TRERF1: variants seen among roughly 807,000 people sequenced by gnomAD.
TRERF1 encodes the protein transcriptional regulating factor 1.
Under a neutral mutation model 122.9 loss-of-function variants are expected in TRERF1, and 27 were observed. The ratio of observed to expected loss-of-function variants is 0.22; its 90% CI spans 0.16 to 0.30. The LOEUF (loss-of-function observed/expected upper bound fraction) is 0.30. TRERF1 is among the 10% of genes least tolerant of loss of function. TRERF1 has a pLI of 1.00. For synonymous variants in TRERF1, 636 were observed against 641.7 expected (o/e 0.99, Z 0.13); for missense variants, 1,248 against 1,560.3 (o/e 0.80, Z 3.37).
At chr6:42,392,800 A>G (rs1343673066) in intron 2 of TRERF1, among the ~76,000 whole-genome samples, 1 of 152,214 alleles carries the variant, frequency 6.6e-6, no homozygotes, top group African/African-American at 2.4e-5. Context: ...TTAACATATG[A>G]AAGGTGACCT....
chr6:42,389,671 C>G (rs1777382709), intron 2 of TRERF1, among the ~76,000 whole-genome samples: 1 of 152,208 alleles, frequency 6.6e-6, no homozygotes, highest in Non-Finnish European at 1.5e-5. Context: ...CTCCCAACTT[C>G]AAACACTTGA....
intron 14 of TRERF1, among the ~76,000 whole-genome samples, chr6:42,245,146 C>T (rs1337627395): frequency 2.6e-5 from 4 of 152,224 alleles, no homozygotes; most frequent in Non-Finnish European, 5.9e-5. Flanking sequence ...TACACGAATC[C>T]ATCATCAGTC....
chr6:42,290,416 G>A (rs186571205), intron 4 of TRERF1, among the ~76,000 whole-genome samples: 7 of 152,182 alleles, frequency 4.6e-5, no homozygotes, highest in East Asian at 3.9e-4. Flanking sequence ...GCTGCCCCTC[G>A]CCTGTGGCCA....
chr6:42,447,508 T>C (rs534799682), intron 2 of TRERF1, among the ~76,000 whole-genome samples: 5 of 152,342 alleles, frequency 3.3e-5, no homozygotes, highest in South Asian at 2.1e-4. Context: ...CCCTTCAACA[T>C]GCAAATTCAG....
At chr6:42,322,734 T>C (rs1159323227) in intron 3 of TRERF1, among the ~76,000 whole-genome samples, 3 of 152,216 alleles carry the variant, frequency 2.0e-5, no homozygotes, top group Non-Finnish European at 4.4e-5. Flanking sequence ...ACAGTGTTAC[T>C]GTAGCCCAAT....
chr6:42,272,651 G>A (rs918667737), intron 4 of TRERF1, among the ~76,000 whole-genome samples: 2 of 152,120 alleles, frequency 1.3e-5, no homozygotes, highest in African/African-American at 4.8e-5. Context: ...ATTAAGACCA[G>A]AACTCAGAAG....
intron 2 of TRERF1, among the ~76,000 whole-genome samples, chr6:42,413,580 C>T (rs1251202341): frequency 6.6e-6 from 1 of 152,056 alleles, no homozygotes; most frequent in Non-Finnish European, 1.5e-5. Context: ...TAGGTGCGCG[C>T]CACCATGCCC....
intron 8 of TRERF1, among the ~76,000 whole-genome samples, chr6:42,260,654 C>T (rs1282290993): frequency 1.3e-5 from 2 of 152,110 alleles, no homozygotes; most frequent in African/African-American, 4.8e-5. Flanking sequence ...AGGTTCTGGG[C>T]AGTCTGGGGT....
chr6:42,330,663 ATTG>A (rs1168551357), intron 3 of TRERF1, among the ~76,000 whole-genome samples: 5 of 152,102 alleles, frequency 3.3e-5, no homozygotes, highest in Non-Finnish European at 5.9e-5. Context: ...TCATGCAAAC[ATTG>A]TTGTATTTTT....
At chr6:42,293,637 T>C (rs1784637113) in intron 4 of TRERF1, among the ~76,000 whole-genome samples, 1 of 152,124 alleles carries the variant, frequency 6.6e-6, no homozygotes, top group African/African-American at 2.4e-5. Flanking sequence ...CCCTCTCCTC[T>C]TAGTTCCGTG....
rs533718129 is a variant in TRERF1, at chr6:42,394,556, C to T, written c.-453-31477G>A. On this transcript the variant is annotated intron_variant, in intron 2 of 17. Coordinates refer to ENST00000372922, the Ensembl canonical transcript of TRERF1. Reference sequence around the variant, plus strand: ...ATAATATCCAGGCTCACTCAGCCAGCGAGTGTCCAGGATTGGGAATAAAAA... The same window carrying T: ...ATAATATCCAGGCTCACTCAGCCAGTGAGTGTCCAGGATTGGGAATAAAAA... Among the ~76,000 whole-genome samples the T allele has an allele frequency of 5.3e-5, 8 of 152,236 alleles. No homozygotes were observed. The South Asian group carries it at 8.3e-4, about 16-fold the overall frequency.
chr6:42,252,531 G>C (rs1354586893), intron 13 of TRERF1, among the ~76,000 whole-genome samples: 2 of 152,186 alleles, frequency 1.3e-5, no homozygotes, highest in African/African-American at 4.8e-5. Flanking sequence ...CCAGAAGATA[G>C]GGTCCCAGCA....
At chr6:42,245,500 A>G (rs1774618097) in intron 14 of TRERF1, among the ~76,000 whole-genome samples, 1 of 152,198 alleles carries the variant, frequency 6.6e-6, no homozygotes, top group African/African-American at 2.4e-5. Context: ...ACAGCCTTAA[A>G]TGGCTTTAAC....
At position 42,259,570 on chromosome 6, in the gene TRERF1, C is replaced by T. The variant is rs1287986874; in HGVS notation, c.2038G>A (p.Ala680Thr). 1.9e-6 allele frequency: 3 copies of T among 1,613,700 alleles called. No homozygotes were observed. Among genetic ancestry groups the T allele is most frequent in the Non-Finnish European group, 2.5e-6 (3 of 1,179,854 alleles). Residue 680 changes from alanine (A) to threonine (T), a missense_variant, in exon 9 of 18, where the codon GCC (alanine) becomes ACC (threonine). Ala to Thr is a moderately conservative substitution (Grantham distance 58). Transcript: ENST00000372922. The surrounding 1 kb of genome is among the most constrained non-coding windows in gnomAD (Gnocchi z 4.9). ...CGCAGCTGGCTCTGGTACAGGGTGGCGCCCGAGTAGGAGGCAGCGGGGTTC... is the reference window on the plus strand; with the variant it reads ...CGCAGCTGGCTCTGGTACAGGGTGGTGCCCGAGTAGGAGGCAGCGGGGTTC...
chr6:42,384,526 G>T (rs1383580407), intron 2 of TRERF1, among the ~76,000 whole-genome samples: 1 of 152,136 alleles, frequency 6.6e-6, no homozygotes, highest in East Asian at 1.9e-4. Flanking sequence ...GAGGAAAAAT[G>T]GGTAGCTGGG....
At chr6:42,351,122 A>G (rs1769361335) in intron 3 of TRERF1, among the ~76,000 whole-genome samples, 1 of 152,208 alleles carries the variant, frequency 6.6e-6, no homozygotes, top group African/African-American at 2.4e-5. Context: ...ATTGGCAAAA[A>G]CTGAAACAAC....
At chr6:42,398,327 C>T (rs1778920309) in intron 2 of TRERF1, among the ~76,000 whole-genome samples, 3 of 152,224 alleles carry the variant, frequency 2.0e-5, no homozygotes, top group Admixed American at 2.0e-4. Context: ...AAACCCAGGA[C>T]AGAATCACCT....
At position 42,263,505 on chromosome 6, in the gene TRERF1, G is replaced by A. The variant is rs572460409; in HGVS notation, c.1699C>T (p.Pro567Ser). 1 of 1,560,876 alleles carries A rather than the reference G, an allele frequency of 6.4e-7. No homozygotes were observed. The highest frequency in any genetic ancestry group is 8.7e-7 in the Non-Finnish European group (1 of 1,151,224). Residue 567 changes from proline (P) to serine (S), a missense_variant, in exon 8 of 18, where the codon CCG (proline) becomes TCG (serine). Physicochemically the swap from Pro to Ser is moderately conservative, Grantham distance 74. Coordinates refer to ENST00000372922, the Ensembl canonical transcript of TRERF1. The surrounding 1 kb of genome is among the most constrained non-coding windows in gnomAD (Gnocchi z 5.6). The stretch of plus-strand genomic sequence containing the variant: ...TCGGGAGGGAGCTGTGGTGGCGGCG[G>A]AGGCGGAGGCGGAGGCGGCAGTGGT...
chr6:42,262,216 T>C (rs987325229), intron 8 of TRERF1, among the ~76,000 whole-genome samples: 2 of 152,072 alleles, frequency 1.3e-5, no homozygotes, highest in Non-Finnish European at 2.9e-5. Context: ...TTTCTCTTCT[T>C]TTGAGGACTT....
Sources: gnomAD v4.1 joint callset for allele counts (sites outside exome capture counted in the v4.1 genomes callset) on GRCh38, gnomAD v4.1.1 for gene constraint, Gnocchi (gnomAD v3.1) non-coding constraint, MANE v1.5 for transcripts, NCBI Gene and HGNC (gene_info 2026-07-23, HGNC 2026-07-21) for gene names.